The following DVL1 variants were observed in gnomAD, a reference collection of about 807,000 sequenced individuals.
DVL1 encodes the protein segment polarity protein dishevelled homolog DVL-1.
In DVL1, 49 loss-of-function variants were observed where a neutral mutation model predicts 65.0. The observed-to-expected ratio is 0.75, with a 90% CI of 0.60 to 0.96. The LOEUF (loss-of-function observed/expected upper bound fraction) is 0.96. Among genes scored for constraint, DVL1 ranks in the 40% least tolerant of loss-of-function variants. DVL1 has a pLI of 0.00. For missense variants in DVL1, 1,197 were observed against 1,045.4 expected (o/e 1.15, Z -2.00); for synonymous variants, 608 against 433.9 (o/e 1.40, Z -4.99).
At chr1:1,348,306 T>C (rs1285517865) in intron 1 of DVL1, among the ~76,000 whole-genome samples, 1 of 152,048 alleles carries the variant, frequency 6.6e-6, no homozygotes, top group African/African-American at 2.4e-5. Flanking sequence ...GGAACGCAAG[T>C]GCTTTGTGGC....
rs1230840876 is a variant in DVL1, at chr1:1,342,398, T to C, written c.327A>G (p.Thr109=). 1 of 1,595,332 alleles carries C rather than the reference T, an allele frequency of 6.3e-7. No homozygotes were observed. Among genetic ancestry groups the C allele is most frequent in the Admixed American group, 1.7e-5 (1 of 58,196 alleles). ...HTDLPPPLER[T]GGIGDSRPPS... is the part of the protein sequence containing the mutation. ...GGGGCCGGGAGTCCCCGATGCCGCC[T>C]GTCCGCTCAAGAGGCGGGGGCAGGT... is the stretch of plus-strand genomic sequence containing the variant. Residue 109 remains threonine, a synonymous_variant, in exon 3 of 15, where the codon ACA becomes ACG. Transcript: ENST00000378888.
At position 1,342,039 on chromosome 1, in the gene DVL1, C is replaced by A; in HGVS notation, c.466+14G>T. On this transcript the variant is annotated intron_variant, in intron 4 of 14. Transcript: ENST00000378888. ...GGCTGGGGGTCCACAGCTGGGCAGA[C>A]ATGACCACTGTACCCTCCTCGCGGT... 1 of 1,557,576 alleles carries A rather than the reference C, an allele frequency of 6.4e-7. No homozygotes were observed. Among genetic ancestry groups the A allele is most frequent in the Non-Finnish European group, 8.7e-7 (1 of 1,149,080 alleles).
At chr1:1,343,171 G>A (rs1263879313) in intron 1 of DVL1, among the ~76,000 whole-genome samples, 3 of 151,874 alleles carry the variant, frequency 2.0e-5, no homozygotes, top group Admixed American at 6.5e-5. Flanking sequence ...GAAAGCCCCC[G>A]TGCCCAGCTG....
In DVL1 at chr1:1,347,988, A is replaced by T. The variant is rs149182308; in HGVS notation, c.170+908T>A. On this transcript the variant is annotated intron_variant, in intron 1 of 14. Coordinates refer to ENST00000378888, the MANE Select transcript of DVL1 (RefSeq NM_001330311.2). ...CCTGCAACCACAGAATCCAAGAAAC[A>T]ACCTTAATGTCACAATCCCAAGAAG... Among the ~76,000 whole-genome samples, 4 of 152,236 alleles carry T rather than the reference A, an allele frequency of 2.6e-5. No individual in the cohort carries two copies. In the East Asian group the frequency reaches 7.7e-4, roughly 29 times the overall value.
intron 13 of DVL1, 40 bp downstream of exon 13, chr1:1,338,229 T>TTGGCCC: frequency 4.7e-5 from 71 of 1,522,248 alleles, no homozygotes; most frequent in Middle Eastern, 2.0e-4. Flanking sequence ...CCTCCGGCGT[T>TTGGCCC]CCCCTCCCCC....
chr1:1,336,063 A>C lies in DVL1; in HGVS notation c.*79T>G. The C allele has an allele frequency of 6.6e-7, 1 of 1,513,630 alleles. No individual in the cohort carries two copies. The highest frequency in any genetic ancestry group is 1.2e-5 in the South Asian group (1 of 81,612). The allele number at this position is 1,513,630 out of a possible 1,614,324, so 93.8% of individuals were successfully genotyped here. A position where few individuals can be genotyped will look rare whatever the true frequency, so the allele number is the denominator to read the frequency against. On this transcript the variant is annotated 3_prime_UTR_variant, in exon 15 of 15. Coordinates refer to ENST00000378888, the MANE Select transcript of DVL1 (RefSeq NM_001330311.2). Reference sequence around the variant, plus strand: ...CTGCCTCCCGTCCTGGCCCCCACGAAGGCAAGCCCACGCGAGCTCTGCATG... The same window carrying C: ...CTGCCTCCCGTCCTGGCCCCCACGACGGCAAGCCCACGCGAGCTCTGCATG...
At chr1:1,345,302 G>A (rs1049775743) in intron 1 of DVL1, among the ~76,000 whole-genome samples, 3 of 152,204 alleles carry the variant, frequency 2.0e-5, no homozygotes, top group African/African-American at 7.2e-5. Context: ...GTGGCAGGGT[G>A]CAGACCCAAG....
Position 1,335,957 on chromosome 1 carries a change from C to A in DVL1, c.*185G>T, listed in dbSNP as rs1643556010. ...CAGAGAGGGAGCGCCCCCAACACGGCTGCTCAGACACAGGTGCTGTCAGGA... is the reference window on the plus strand; with the variant it reads ...CAGAGAGGGAGCGCCCCCAACACGGATGCTCAGACACAGGTGCTGTCAGGA... On this transcript the variant is annotated 3_prime_UTR_variant, in exon 15 of 15. Transcript: ENST00000378888. 7.9e-6 allele frequency: 6 copies of A among 762,784 alleles called. No individual in the cohort carries two copies. Among genetic ancestry groups the A allele is most frequent in the Non-Finnish European group, 1.2e-5 (6 of 484,638 alleles). 47.3% of individuals were successfully genotyped at this position (762,784 alleles called of 1,614,324 possible).
intron 1 of DVL1, among the ~76,000 whole-genome samples, chr1:1,347,749 C>A (rs930744366): frequency 1.3e-5 from 2 of 152,224 alleles, no homozygotes; most frequent in East Asian, 3.9e-4. Context: ...AAACCGCCCC[C>A]TCCTGCCCAA....
intron 6 of DVL1, 22 bp downstream of exon 6, chr1:1,340,388 C>T: frequency 6.2e-7 from 1 of 1,612,456 alleles, no homozygotes; most frequent in African/African-American, 1.3e-5. Context: ...CCAGCCCCGC[C>T]CTGCTCCACC....
At chr1:1,348,157 G>T (rs138840330) in intron 1 of DVL1, among the ~76,000 whole-genome samples, 2 of 152,308 alleles carry the variant, frequency 1.3e-5, no homozygotes, top group African/African-American at 4.8e-5. Flanking sequence ...CAAGCAGACC[G>T]CCAGGCTCCT....
At chr1:1,338,806 A>G in intron 11 of DVL1, 153 bp from the exon 12 acceptor site, 5 of 818,768 alleles carry the variant, frequency 6.1e-6, no homozygotes, top group Non-Finnish European at 7.4e-6. Flanking sequence ...TGCAGGATGC[A>G]CCCCCGTGAG....
chr1:1,338,657 C>A lies in DVL1; in HGVS notation c.1208-4G>T. 6.2e-7 allele frequency: 1 copy of A among 1,608,326 alleles called. No homozygotes were observed. The highest frequency in any genetic ancestry group is 1.1e-5 in the South Asian group (1 of 91,022). On this transcript the variant is annotated splice_region_variant and splice_polypyrimidine_tract_variant and intron_variant, in intron 11 of 14. Transcript: ENST00000378888. ...GTCAGCGGCGCCTCTTCCAGCTCTGCAAAGCACAGACAGCCCCGCTTCAGC... is the reference window on the plus strand; with the variant it reads ...GTCAGCGGCGCCTCTTCCAGCTCTGAAAAGCACAGACAGCCCCGCTTCAGC...
chr1:1,341,049 GCA>G (rs1309397263), intron 5 of DVL1, among the ~76,000 whole-genome samples: 3 of 132,976 alleles, frequency 2.3e-5, no homozygotes, highest in African/African-American at 5.9e-5. Flanking sequence ...ACGCACCCCT[GCA>G]CACACATGCA....
rs1001707902 is a variant in DVL1, at chr1:1,335,278, T to G, written c.*864A>C. 1 of 152,248 alleles carries G rather than the reference T, an allele frequency of 6.6e-6. No homozygotes were observed. Among genetic ancestry groups the G allele is most frequent in the Non-Finnish European group, 1.5e-5 (1 of 68,054 alleles). 9.4% of individuals were successfully genotyped at this position (152,248 alleles called of 1,614,324 possible). On this transcript the variant is annotated 3_prime_UTR_variant, in exon 15 of 15. Coordinates refer to ENST00000378888, the MANE Select transcript of DVL1 (RefSeq NM_001330311.2). ...AGAAGGGGCACAGGCCACACATCTGTCCCATAAAATTAAACGCTTTTTAGT... is the reference window on the plus strand; with the variant it reads ...AGAAGGGGCACAGGCCACACATCTGGCCCATAAAATTAAACGCTTTTTAGT...
At chr1:1,343,902 G>A (rs1360935143) in intron 1 of DVL1, among the ~76,000 whole-genome samples, 1 of 152,202 alleles carries the variant, frequency 6.6e-6, no homozygotes, top group Non-Finnish European at 1.5e-5. Context: ...CTGGCCAGGT[G>A]CCTCACCAGT....
At chr1:1,340,524 C>T (rs768109966) in intron 5 of DVL1, 21 bp from the exon 6 acceptor site, 2 of 1,580,814 alleles carry the variant, frequency 1.3e-6, no homozygotes, top group East Asian at 4.6e-5. Context: ...ACTGTCAGAG[C>T]TCAGAGGAGC....
At position 1,336,569 on chromosome 1, in the gene DVL1, G is replaced by A. The variant is rs148991554; in HGVS notation, c.1715-54C>T. On this transcript the variant is annotated intron_variant, in intron 14 of 14. Coordinates refer to ENST00000378888, the MANE Select transcript of DVL1 (RefSeq NM_001330311.2). The stretch of plus-strand genomic sequence containing the variant: ...GCCTGTCAGCACCAGGCCCGGCCAC[G>A]TCCAGAACAACCGCCCCCGCCAGGT... The A allele has an allele frequency of 0.02, 29,135 of 1,472,800 alleles. 375 individuals are homozygous for A. The highest frequency in any genetic ancestry group is 0.021 in the Non-Finnish European group (23,717 of 1,122,612). The allele number at this position is 1,472,800 out of a possible 1,614,324, so 91.2% of individuals were successfully genotyped here. A position where few individuals can be genotyped will look rare whatever the true frequency, so the allele number is the denominator to read the frequency against.
At chr1:1,340,840 C>CACCT (rs1557668690) in intron 5 of DVL1, among the ~76,000 whole-genome samples, 37 of 144,172 alleles carry the variant, frequency 2.6e-4, no homozygotes, top group African/African-American at 9.4e-4. Flanking sequence ...CCTGCACACA[C>CACCT]GCAACCCTGC....
Sources: allele counts gnomAD v4.1 joint callset (sites outside exome capture counted in the v4.1 genomes callset), GRCh38; gene constraint gnomAD v4.1.1; transcripts MANE v1.5; gene names NCBI Gene and HGNC (gene_info 2026-07-23, HGNC 2026-07-21).